HIP1: variants seen among roughly 807,000 people sequenced by gnomAD.
HIP1 encodes the protein huntingtin interacting protein 1.
Under a neutral mutation model 147.6 loss-of-function variants are expected in HIP1, and 65 were observed. The ratio of observed to expected loss-of-function variants is 0.44; its 90% confidence interval spans 0.36 to 0.54. The LOEUF (loss-of-function observed/expected upper bound fraction) is 0.54, where lower values mean the gene tolerates loss of function less well. HIP1 is among the 20% of genes least tolerant of loss of function. HIP1 has a pLI of 0.00. For synonymous variants in HIP1, 479 were observed against 504.0 expected (o/e 0.95, Z 0.67); for missense variants, 1,061 against 1,299.6 (o/e 0.82, Z 2.82).
At chr7:75,677,603 TAAAA>T (rs60860713) in intron 1 of HIP1, among the ~76,000 whole-genome samples, 21 of 94,492 alleles carry the variant, frequency 2.2e-4, no homozygotes, top group African/African-American at 7.9e-4. Flanking sequence ...AGACTCCATC[TAAAA>T]AAAAAAAAAA....
intron 3 of HIP1, 79 bp downstream of exon 3, chr7:75,592,293 G>A: frequency 6.6e-7 from 1 of 1,514,700 alleles, no homozygotes. Context: ...GGAGAGGACA[G>A]CAGCCTCTGT....
intron 1 of HIP1, among the ~76,000 whole-genome samples, chr7:75,730,664 T>C (rs551385250): frequency 6.6e-6 from 1 of 151,708 alleles, no homozygotes; most frequent in African/African-American, 2.4e-5. Flanking sequence ...AATTCATACA[T>C]GTGTTGCAAG....
At chr7:75,613,793 G>A (rs781788268) in intron 1 of HIP1, among the ~76,000 whole-genome samples, 15 of 151,680 alleles carry the variant, frequency 9.9e-5, no homozygotes, top group Admixed American at 3.9e-4. Context: ...TGGTGCAAAC[G>A]TGGCTCACTA....
At chr7:75,701,684 T>C (rs985853226) in intron 1 of HIP1, among the ~76,000 whole-genome samples, 4 of 152,082 alleles carry the variant, frequency 2.6e-5, no homozygotes, top group Admixed American at 2.0e-4. Flanking sequence ...ACTCTGTCTC[T>C]ACTAAAAATA....
intron 1 of HIP1, among the ~76,000 whole-genome samples, chr7:75,726,374 C>G (rs1801650146): frequency 6.6e-6 from 1 of 151,870 alleles, no homozygotes; most frequent in Non-Finnish European, 1.5e-5. Flanking sequence ...ACCTCTGCCT[C>G]CCGGGTTCAA....
At chr7:75,720,620 C>A (rs1016998590) in intron 1 of HIP1, among the ~76,000 whole-genome samples, 11 of 152,200 alleles carry the variant, frequency 7.2e-5, no homozygotes, top group African/African-American at 2.2e-4. Flanking sequence ...GTCTAACTTT[C>A]TCTATGTCAA....
chr7:75,589,817 G>A (rs587756563), intron 4 of HIP1, among the ~76,000 whole-genome samples: 2 of 146,088 alleles, frequency 1.4e-5, no homozygotes, highest in Admixed American at 7.0e-5. Context: ...TGTGAACTCC[G>A]CCTCCCGGGT....
chr7:75,630,873 GC>G (rs1208825384), intron 1 of HIP1, among the ~76,000 whole-genome samples: 3 of 152,164 alleles, frequency 2.0e-5, no homozygotes, highest in African/African-American at 7.2e-5. Context: ...TTTATTTGTA[GC>G]CTAAATGAAA....
At chr7:75,705,522 C>T (rs945393072) in intron 1 of HIP1, among the ~76,000 whole-genome samples, 10 of 152,038 alleles carry the variant, frequency 6.6e-5, no homozygotes, top group South Asian at 2.1e-4. Flanking sequence ...TGCCCACCAC[C>T]GTGCCTGGCT....
At chr7:75,672,411 C>T (rs1799752972) in intron 1 of HIP1, among the ~76,000 whole-genome samples, 1 of 151,800 alleles carries the variant, frequency 6.6e-6, no homozygotes, top group Non-Finnish European at 1.5e-5. Context: ...CCTGCAACCT[C>T]CACTGCCTGG....
intron 12 of HIP1, 89 bp downstream of exon 12, chr7:75,561,984 T>C: frequency 1.3e-6 from 1 of 796,714 alleles, no homozygotes; most frequent in Admixed American, 1.9e-5. Context: ...CCCAGTATCA[T>C]TAAGAATTCC....
chr7:75,580,204 A>G (rs1795988016), intron 7 of HIP1, among the ~76,000 whole-genome samples: 1 of 152,180 alleles, frequency 6.6e-6, no homozygotes, highest in African/African-American at 2.4e-5. Flanking sequence ...CATGGCTGCC[A>G]ACTCAACAAC....
intron 25 of HIP1, among the ~76,000 whole-genome samples, chr7:75,545,835 G>A (rs1563191611): frequency 6.6e-6 from 1 of 151,902 alleles, no homozygotes; most frequent in Non-Finnish European, 1.5e-5. Context: ...CAGCTACTCG[G>A]GAGGCTGAGG....
chr7:75,565,199 C>T (rs1554495302), intron 9 of HIP1, among the ~76,000 whole-genome samples: 1 of 152,186 alleles, frequency 6.6e-6, no homozygotes, highest in Non-Finnish European at 1.5e-5. Flanking sequence ...GACATCACTG[C>T]TGCTTCCCCT....
At chr7:75,635,510 G>C (rs1472301467) in intron 1 of HIP1, among the ~76,000 whole-genome samples, 1 of 150,154 alleles carries the variant, frequency 6.7e-6, no homozygotes, top group East Asian at 2.0e-4. Context: ...CCCAGGAGGC[G>C]GAGGCGGTGG....
At chr7:75,541,385 C>T (rs1794305611) in intron 29 of HIP1, among the ~76,000 whole-genome samples, 1 of 151,854 alleles carries the variant, frequency 6.6e-6, no homozygotes, top group South Asian at 2.1e-4. Flanking sequence ...AAAAAATTAG[C>T]CAGGCATGGT....
At chr7:75,577,474 G>C (rs1366284367) in intron 7 of HIP1, among the ~76,000 whole-genome samples, 3 of 152,170 alleles carry the variant, frequency 2.0e-5, no homozygotes, top group African/African-American at 7.2e-5. Context: ...TTCTGGACCA[G>C]AGCTACCCGA....
intron 8 of HIP1, among the ~76,000 whole-genome samples, chr7:75,572,056 AAAC>A (rs1414540715): frequency 2.6e-5 from 4 of 152,172 alleles, no homozygotes; most frequent in South Asian, 2.1e-4. Flanking sequence ...CTAAAAATTC[AAAC>A]AACAACAACA....
At chr7:75,657,712 G>A (rs1378887216) in intron 1 of HIP1, among the ~76,000 whole-genome samples, 1 of 151,886 alleles carries the variant, frequency 6.6e-6, no homozygotes, top group Non-Finnish European at 1.5e-5. Flanking sequence ...CATAATGCTG[G>A]GAAGAATAGA....
Sources: allele counts gnomAD v4.1 joint callset (sites outside exome capture counted in the v4.1 genomes callset), GRCh38; gene constraint gnomAD v4.1.1; transcripts MANE v1.5; gene names NCBI Gene and HGNC (gene_info 2026-07-23, HGNC 2026-07-21).